ATP11C: variants seen among roughly 807,000 people sequenced by gnomAD.
The protein encoded by ATP11C is ATPase phospholipid transporting 11C (ATP11C blood group).
A neutral mutation model predicts 97.4 loss-of-function variants in ATP11C; 36 were observed. The observed-to-expected ratio is 0.37, with a 90% CI of 0.28 to 0.49. The LOEUF is 0.49. Among genes scored for constraint, ATP11C ranks in the 20% least tolerant of loss-of-function variants. The probability of loss-of-function intolerance (pLI) is 0.98; values close to 1 mark genes in which losing one functional copy is unlikely to be tolerated. For missense variants in ATP11C, 730 were observed against 824.6 expected (o/e 0.89, Z 1.40); for synonymous variants, 275 against 290.9 (o/e 0.95, Z 0.56).
At chrX:139,845,289 G>A (rs1031399112) in intron 1 of ATP11C, among the ~76,000 whole-genome samples, 5 of 111,877 alleles carry the variant, frequency 4.5e-5, no homozygotes, top group African/African-American at 1.6e-4. Flanking sequence ...GTGACCAGAG[G>A]GCAACGTGGA....
At chrX:139,832,262 T>C in intron 1 of ATP11C, 1 of 1,190,236 alleles carries the variant, frequency 8.4e-7, no homozygotes, top group Non-Finnish European at 1.1e-6. Flanking sequence ...ATCAAGCAAC[T>C]TGTACCAACC....
At chrX:139,916,968 T>C (rs1185512166) in intron 1 of ATP11C, among the ~76,000 whole-genome samples, 2 of 111,351 alleles carry the variant, frequency 1.8e-5, no homozygotes, top group Admixed American at 9.6e-5. Context: ...TAAACTCTCA[T>C]GTACATGGTC....
chrX:139,769,297 T>C (rs1231922295), intron 19 of ATP11C, among the ~76,000 whole-genome samples: 12 of 66,375 alleles, frequency 1.8e-4, no homozygotes, highest in African/African-American at 4.7e-4. Context: ...TATATATATA[T>C]ATATATATAT....
At position 139,827,525 on chromosome X, in the gene ATP11C, AC is replaced by A. The variant is rs920661368; in HGVS notation, c.28-703del. On this transcript the variant is annotated intron_variant, in intron 1 of 29. Transcript: ENST00000682941. ...TCAAGATTGGGCTCTATTTTATCCC[AC>A]CCTTTAATTTTGCTAAGGCCTCACT... 5.4e-4 allele frequency among the ~76,000 whole-genome samples: 60 copies of A among 110,811 alleles called. 1 individual carries two copies. Among genetic ancestry groups the A allele is most frequent in the African/African-American group, 1.9e-3 (58 of 30,477 alleles).
chrX:139,845,766 C>T (rs1022322475), intron 1 of ATP11C, among the ~76,000 whole-genome samples: 2 of 112,351 alleles, frequency 1.8e-5, no homozygotes, highest in Admixed American at 1.9e-4. Flanking sequence ...AGAACTCTCG[C>T]TAATTTTCTG....
intron 28 of ATP11C, among the ~76,000 whole-genome samples, chrX:139,734,652 G>A (rs2081408931): frequency 9.0e-6 from 1 of 111,460 alleles, no homozygotes; most frequent in Non-Finnish European, 1.9e-5. Context: ...TCCTTGAGGT[G>A]TTATCCTGCT....
chrX:139,836,527 A>ACAAAAACAAT (rs1200516488), intron 1 of ATP11C, among the ~76,000 whole-genome samples: 13 of 111,886 alleles, frequency 1.2e-4, no homozygotes, highest in Middle Eastern at 4.6e-3. Context: ...ACAAAAACAA[A>ACAAAAACAAT]CAAAAACAAT....
chrX:139,872,141 TAAC>T (rs1385586957), intron 1 of ATP11C, among the ~76,000 whole-genome samples: 4 of 111,259 alleles, frequency 3.6e-5, no homozygotes, highest in African/African-American at 9.8e-5. Flanking sequence ...TAAAAATTGA[TAAC>T]AACCATAGTA....
chrX:139,860,541 G>T (rs771893036), intron 1 of ATP11C, among the ~76,000 whole-genome samples: 1 of 111,996 alleles, frequency 8.9e-6, no homozygotes, highest in South Asian at 3.7e-4. Flanking sequence ...ATTCAGGCTG[G>T]GTGCAGTGGC....
intron 1 of ATP11C, among the ~76,000 whole-genome samples, chrX:139,926,154 G>A (rs917328976): frequency 2.7e-5 from 3 of 110,833 alleles, no homozygotes; most frequent in South Asian, 3.9e-4. Flanking sequence ...AAATAAACTC[G>A]AGAGCCAGCA....
At chrX:139,819,271 T>C (rs748494654) in intron 3 of ATP11C, 67 bp downstream of exon 3, 18 of 429,604 alleles carry the variant, frequency 4.2e-5, no homozygotes, top group Middle Eastern at 1.4e-3. Flanking sequence ...AGGTTAGAAA[T>C]AGATTGAAAA....
At chrX:139,771,154 T>C (rs751338240) in intron 19 of ATP11C, among the ~76,000 whole-genome samples, 79 of 111,358 alleles carry the variant, frequency 7.1e-4, no homozygotes, top group Non-Finnish European at 1.1e-3. Context: ...AACTGAATCA[T>C]AGGGGCCGGT....
In ATP11C at chrX:139,730,637, A is replaced by T. The variant is rs182518337; in HGVS notation, c.*3+1014T>A. Among the ~76,000 whole-genome samples the T allele has an allele frequency of 6.1e-3, 681 of 111,320 alleles. 2 individuals carry two copies. The highest frequency in any genetic ancestry group is 8.7e-3 in the Non-Finnish European group (460 of 52,850). On this transcript the variant is annotated intron_variant, in intron 29 of 29. Transcript: ENST00000682941. ...AAATGGGCCTATAAGGTGGACTCGC[A>T]ATTATTAGCTTCAAAGTGAACTAAC...
chrX:139,836,138 G>A (rs1271089311), intron 1 of ATP11C, among the ~76,000 whole-genome samples: 1 of 108,710 alleles, frequency 9.2e-6, no homozygotes, highest in Non-Finnish European at 1.9e-5. Context: ...ATTCAAGGGT[G>A]AGGAAGAAAT....
At chrX:139,758,598 G>C (rs1410642894) in intron 22 of ATP11C, among the ~76,000 whole-genome samples, 1 of 111,686 alleles carries the variant, frequency 9.0e-6, no homozygotes, top group Non-Finnish European at 1.9e-5. Flanking sequence ...CACAAGCTGG[G>C]AATTCATAAG....
At chrX:139,824,123 C>CAAAA (rs774186718) in intron 2 of ATP11C, among the ~76,000 whole-genome samples, 1 of 59,259 alleles carries the variant, frequency 1.7e-5, no homozygotes, top group Non-Finnish European at 3.3e-5. Context: ...CTAAAAATAC[C>CAAAA]AAAAAAAAAA....
At chrX:139,782,773 G>GAA (rs374315625) in intron 17 of ATP11C, 45 bp from the exon 18 acceptor site, 565 of 697,524 alleles carry the variant, frequency 8.1e-4, no homozygotes, top group South Asian at 1.0e-3. Flanking sequence ...ATAATAGTTG[G>GAA]AAAAAAAAAA....
At position 139,770,938 on chromosome X, in the gene ATP11C, G is replaced by C. The variant is rs762794088; in HGVS notation, c.2217-2504C>G. Among the ~76,000 whole-genome samples the C allele has an allele frequency of 2.7e-5, 3 of 111,864 alleles. No homozygotes were observed. The South Asian group carries it at 1.1e-3, about 43-fold the overall frequency. On this transcript the variant is annotated intron_variant, in intron 19 of 29. Transcript: ENST00000682941. Reference sequence around the variant, plus strand: ...CACCTTTAGAGGGTGAGGCCCTCATGATGGGATTTGCATCTGTTATAAACT... The same window carrying C: ...CACCTTTAGAGGGTGAGGCCCTCATCATGGGATTTGCATCTGTTATAAACT...
At chrX:139,891,999 G>A (rs753566777) in intron 1 of ATP11C, among the ~76,000 whole-genome samples, 3 of 110,633 alleles carry the variant, frequency 2.7e-5, no homozygotes, top group African/African-American at 6.6e-5. Context: ...TGAGATTACA[G>A]GTGCACACCA....
Sources: allele counts gnomAD v4.1 joint callset (sites outside exome capture counted in the v4.1 genomes callset), GRCh38; gene constraint gnomAD v4.1.1; transcripts MANE v1.5; gene names NCBI Gene and HGNC (gene_info 2026-07-23, HGNC 2026-07-21).